Variants in CYGB observed in about 807,000 individuals in gnomAD.
The protein encoded by CYGB is histoglobin.
In CYGB, 13 loss-of-function variants were observed where a neutral mutation model predicts 20.7. The ratio of observed to expected loss-of-function variants is 0.63; its 90% CI spans 0.41 to 1.00. The LOEUF (loss-of-function observed/expected upper bound fraction) is 1.00. Ranked by LOEUF, CYGB falls within the 50% of genes least tolerant of loss-of-function variation. CYGB has a pLI of 0.00. For synonymous variants in CYGB, 93 were observed against 107.4 expected, an observed-to-expected ratio of 0.87 and a Z score of 0.83; for missense variants, 218 against 257.2, an observed-to-expected ratio of 0.85 and a Z score of 1.04.
upstream of CYGB, chr17:76,540,512 A>G (rs1567911205): frequency 6.2e-7 from 1 of 1,613,474 alleles, no homozygotes; most frequent in Non-Finnish European, 8.5e-7. This position sits in a 1 kb window ranked among gnomAD's most constrained non-coding sequence, Gnocchi z 5.0. Context: ...CAGAGAGCCC[A>G]GCGACGTGGA....
At chr17:76,543,632 G>T (rs2075018143) in intron 1 of CYGB, among the ~76,000 whole-genome samples, 1 of 152,238 alleles carries the variant, frequency 6.6e-6, no homozygotes, top group African/African-American at 2.4e-5. Context: ...ACCATGGCAG[G>T]CGGCCTCCCC....
chr17:76,528,953 C>T lies in CYGB; in HGVS notation c.540-342G>A, dbSNP rs138586195. The T allele has an allele frequency of 3.2e-4, 341 of 1,075,088 alleles. 3 individuals carry two copies. The African/African-American group carries it at 5.2e-3, about 16-fold the overall frequency. The allele number at this position is 1,075,088 out of a possible 1,614,324, so 66.6% of individuals were successfully genotyped here. ...TTTTTCCATTAATTCTGAAACGTGG[C>T]GCATTCTGTCCGGCCTGTCTCGTCC... is the stretch of plus-strand genomic sequence containing the variant. On this transcript the variant is annotated intron_variant, in intron 3 of 3. Coordinates refer to ENST00000293230, the MANE Select transcript of CYGB (RefSeq NM_134268.5). The surrounding 1 kb of genome is among the most constrained non-coding windows in gnomAD (Gnocchi z 5.8).
chr17:76,549,955 GT>G (rs1555625615), intron 1 of CYGB: 4 of 150,750 alleles, frequency 2.7e-5, no homozygotes, highest in Non-Finnish European at 4.4e-5. Context: ...TTTTTTGTTT[GT>G]TTTTTTTTCT....
At chr17:76,534,286 C>T (rs1161574329) in intron 1 of CYGB, among the ~76,000 whole-genome samples, 2 of 152,050 alleles carry the variant, frequency 1.3e-5, no homozygotes, top group Non-Finnish European at 2.9e-5. Flanking sequence ...AAGGGATTCT[C>T]CTGTCTCAGC....
intron 1 of CYGB, among the ~76,000 whole-genome samples, chr17:76,548,134 C>T (rs557919005): frequency 2.0e-5 from 3 of 151,998 alleles, no homozygotes; most frequent in Admixed American, 2.0e-4. Flanking sequence ...GATACACATG[C>T]ATACACAGAC....
At chr17:76,539,914 A>G (rs1396313148), upstream of CYGB, 1 of 599,074 alleles carries the variant, frequency 1.7e-6, no homozygotes, top group Non-Finnish European at 3.0e-6. Context: ...GCCACAGTGC[A>G]TGCCTTGACC....
chr17:76,542,408 C>T, upstream of CYGB: 1 of 929,208 alleles, frequency 1.1e-6, no homozygotes, highest in Non-Finnish European at 1.8e-6. Context: ...GTCACACTGT[C>T]CTAAATGCCA....
chr17:76,529,054 C>G, intron 3 of CYGB: 2 of 356,654 alleles, frequency 5.6e-6, no homozygotes, highest in East Asian at 3.5e-4. Context: ...GCCCCCCCCC[C>G]ACCCCCCACC....
chr17:76,543,233 C>T (rs540427257), intron 1 of CYGB: 27 of 376,352 alleles, frequency 7.2e-5, no homozygotes, highest in Non-Finnish European at 1.0e-4. Flanking sequence ...CAGACGTGCT[C>T]GCTGCTCTCG....
chr17:76,544,062 C>G, intron 1 of CYGB: 1 of 454,694 alleles, frequency 2.2e-6, no homozygotes, highest in Non-Finnish European at 4.4e-6. Flanking sequence ...GCTGCTCTGC[C>G]ATTTCTCTCT....
chr17:76,531,116 C>T lies in CYGB; in HGVS notation c.402G>A (p.Val134=). 6.2e-7 allele frequency: 1 copy of T among 1,613,802 alleles called. No individual in the cohort carries two copies. Among genetic ancestry groups the T allele is most frequent in the South Asian group, 1.1e-5 (1 of 91,088 alleles). ...AGTCACTGGCAAATTCCTCGGCGACCACCTCCAGAATGACCCCAGAGAGGA... is the reference window on the plus strand; with the variant it reads ...AGTCACTGGCAAATTCCTCGGCGACTACCTCCAGAATGACCCCAGAGAGGA... ...FKILSGVILE[V]VAEEFASDFP... Residue 134 remains valine (V), a synonymous_variant, in exon 3 of 4, where the codon GTG becomes GTA. Coordinates refer to ENST00000293230, the MANE Select transcript of CYGB (RefSeq NM_134268.5). The surrounding 1 kb of genome is among the most constrained non-coding windows in gnomAD (Gnocchi z 7.4).
intron 1 of CYGB, among the ~76,000 whole-genome samples, chr17:76,548,307 A>G (rs1598219304): frequency 6.6e-6 from 1 of 152,258 alleles, no homozygotes; most frequent in East Asian, 1.9e-4. Context: ...CACATACACA[A>G]ATACACACAG....
Position 76,528,940 on chromosome 17 carries a change from T to C in CYGB, c.540-329A>G. 1 of 1,110,370 alleles carries C rather than the reference T, an allele frequency of 9.0e-7. No individual in the cohort carries two copies. The highest frequency in any genetic ancestry group is 1.6e-5 in the African/African-American group (1 of 61,696). 68.8% of individuals were successfully genotyped at this position (1,110,370 alleles called of 1,614,324 possible). Reference sequence around the variant, plus strand: ...CCAATGTGAGCTCTTTTTCCATTAATTCTGAAACGTGGCGCATTCTGTCCG... The same window carrying C: ...CCAATGTGAGCTCTTTTTCCATTAACTCTGAAACGTGGCGCATTCTGTCCG... On this transcript the variant is annotated intron_variant, in intron 3 of 3. Transcript: ENST00000293230. The surrounding 1 kb of genome is among the most constrained non-coding windows in gnomAD (Gnocchi z 5.8).
At chr17:76,543,846 C>G (rs762228895) in intron 1 of CYGB, 3 of 471,010 alleles carry the variant, frequency 6.4e-6, no homozygotes, top group African/African-American at 6.0e-5. Flanking sequence ...CTGAAATTAT[C>G]AATAAGAAAT....
intron 1 of CYGB, among the ~76,000 whole-genome samples, chr17:76,534,624 C>T (rs373059558): frequency 2.6e-5 from 4 of 152,342 alleles, no homozygotes; most frequent in South Asian, 2.1e-4. Context: ...GTTTTAATCC[C>T]CATCCTATGA....
Position 76,533,704 on chromosome 17 carries a change from C to CA in CYGB, c.144-2014dup, listed in dbSNP as rs1385266533. ...TGCCATTGCACTCCAGCCTGGGTGA[C>CA]AGAGTGAGACCCTGAATCCAAAGAA... On this transcript the variant is annotated intron_variant, in intron 1 of 3. Coordinates refer to ENST00000293230, the MANE Select transcript of CYGB (RefSeq NM_134268.5). The surrounding 1 kb of genome is among the most constrained non-coding windows in gnomAD (Gnocchi z 4.5). Among the ~76,000 whole-genome samples, 26 of 152,088 alleles carry CA rather than the reference C, an allele frequency of 1.7e-4. No homozygotes were observed. The East Asian group carries it at 5.0e-3, about 29-fold the overall frequency.
At chr17:76,535,685 TAG>T (rs1255593028) in intron 1 of CYGB, among the ~76,000 whole-genome samples, 2 of 152,138 alleles carry the variant, frequency 1.3e-5, no homozygotes, top group African/African-American at 4.8e-5. Flanking sequence ...AAGAGGGGTG[TAG>T]AGAGAGAAAG....
intron 1 of CYGB, chr17:76,543,100 G>A (rs1412697942): frequency 4.2e-6 from 2 of 471,262 alleles, no homozygotes; most frequent in Non-Finnish European, 8.8e-6. Context: ...AGGGAGAATG[G>A]GGGGAAGCAG....
rs895209312 is a variant in CYGB at position 76,533,450 on chromosome 17, C to T, written c.144-1759G>A. Among the ~76,000 whole-genome samples the T allele has an allele frequency of 5.3e-5, 8 of 152,216 alleles. No individual in the cohort carries two copies. The highest frequency in any genetic ancestry group is 1.9e-4 in the African/African-American group (8 of 41,444). The stretch of plus-strand genomic sequence containing the variant: ...AATAAAAAATAATGATATGGCCGGG[C>T]ACGGTGGCTCACGCCTATAATCCTA... On this transcript the variant is annotated intron_variant, in intron 1 of 3. Transcript: ENST00000293230. The surrounding 1 kb of genome is among the most constrained non-coding windows in gnomAD (Gnocchi z 4.5).
Sources: allele counts gnomAD v4.1 joint callset (sites outside exome capture counted in the v4.1 genomes callset), GRCh38; gene constraint gnomAD v4.1.1; non-coding constraint Gnocchi (gnomAD v3.1); transcripts MANE v1.5; gene names NCBI Gene and HGNC (gene_info 2026-07-23, HGNC 2026-07-21).